The following CCDC85C variants were observed in gnomAD, a reference collection of about 807,000 sequenced individuals.
The protein encoded by CCDC85C is coiled-coil domain-containing protein 85C.
In CCDC85C, 18 loss-of-function variants were observed where a neutral mutation model predicts 38.3. The ratio of observed to expected loss-of-function variants is 0.47; its 90% CI spans 0.33 to 0.70. The LOEUF (loss-of-function observed/expected upper bound fraction) is 0.70, where lower values mean the gene tolerates loss of function less well. Ranked by LOEUF, CCDC85C falls within the 30% of genes least tolerant of loss-of-function variation. CCDC85C has a pLI of 0.03. For missense variants in CCDC85C, 566 were observed against 621.2 expected (o/e 0.91, Z 0.94); for synonymous variants, 264 against 293.8 (o/e 0.90, Z 1.04).
At chr14:99,570,147 G>A (rs904508312) in intron 1 of CCDC85C, among the ~76,000 whole-genome samples, 1 of 151,952 alleles carries the variant, frequency 6.6e-6, no homozygotes, top group African/African-American at 2.4e-5. Flanking sequence ...CATCTGTTCT[G>A]AGTGCCTCAC....
At chr14:99,518,528 G>C (rs1329161148) in intron 3 of CCDC85C, among the ~76,000 whole-genome samples, 2 of 151,350 alleles carry the variant, frequency 1.3e-5, no homozygotes, top group African/African-American at 4.9e-5. Context: ...GTAGTGTAGG[G>C]AACCCAACAG....
intron 1 of CCDC85C, among the ~76,000 whole-genome samples, chr14:99,556,011 G>A (rs10150747): frequency 0.54 from 81,872 of 152,084 alleles, 22,316 homozygotes; most frequent in African/African-American, 0.61. Context: ...CCAAAGAACC[G>A]GTCTGTACTG....
chr14:99,521,945 CCAGCAGTGT>C (rs1897308555), intron 3 of CCDC85C, among the ~76,000 whole-genome samples, 179 bp downstream of exon 3: 1 of 152,224 alleles, frequency 6.6e-6, no homozygotes, highest in Admixed American at 6.5e-5. Context: ...CCCCGCACCT[CCAGCAGTGT>C]CAACCCACCT....
intron 1 of CCDC85C, among the ~76,000 whole-genome samples, chr14:99,539,404 G>A (rs566191495): frequency 1.1e-3 from 161 of 149,870 alleles, no homozygotes; most frequent in African/African-American, 3.7e-3. Flanking sequence ...TGGGAGGCGG[G>A]GGTTGCAGTG....
At chr14:99,557,531 A>G (rs945031082) in intron 1 of CCDC85C, among the ~76,000 whole-genome samples, 3 of 152,238 alleles carry the variant, frequency 2.0e-5, no homozygotes, top group Non-Finnish European at 4.4e-5. Flanking sequence ...CCCAAGGCAA[A>G]GGCTGCATCT....
rs1281981649 is a variant in CCDC85C at position 99,501,342 on chromosome 14, G to T, written c.*13904C>A. 1 of 1,569,896 alleles carries T rather than the reference G, an allele frequency of 6.4e-7. No homozygotes were observed. Among genetic ancestry groups the T allele is most frequent in the Middle Eastern group, 2.3e-4 (1 of 4,402 alleles). On this transcript the variant is annotated 3_prime_UTR_variant, in exon 6 of 6. Transcript: ENST00000380243. ...TCTATTGCTATTAATTTACCTTTTT[G>T]TCCCCATTTCTAGGTGATAAAAACA...
chr14:99,534,356 CAAA>C (rs80313731), intron 2 of CCDC85C, among the ~76,000 whole-genome samples: 4 of 136,790 alleles, frequency 2.9e-5, no homozygotes, highest in African/African-American at 8.0e-5. Flanking sequence ...AATTCCATCT[CAAA>C]AAAAAAAAAA....
rs992317284 is a variant in CCDC85C at position 99,501,104 on chromosome 14, C to T, written c.*14142G>A. On this transcript the variant is annotated 3_prime_UTR_variant, in exon 6 of 6. Coordinates refer to ENST00000380243, the MANE Select transcript of CCDC85C (RefSeq NM_001144995.2). ...TGATGGGAGAGGCAGGAAAATGAGG[C>T]AGAATTTTTTAAATGGACTAATAAA... 6.7e-6 allele frequency: 4 copies of T among 598,784 alleles called. No homozygotes were observed. The African/African-American group carries it at 7.5e-5, about 11-fold the overall frequency. 37.1% of individuals were successfully genotyped at this position (598,784 alleles called of 1,614,324 possible).
At chr14:99,554,253 G>T (rs1256968584) in intron 1 of CCDC85C, among the ~76,000 whole-genome samples, 1 of 152,076 alleles carries the variant, frequency 6.6e-6, no homozygotes, top group Non-Finnish European at 1.5e-5. Flanking sequence ...ACCAAGCCCG[G>T]GACTGTGGCC....
chr14:99,531,258 G>C (rs1025403414), intron 2 of CCDC85C, among the ~76,000 whole-genome samples: 2 of 152,182 alleles, frequency 1.3e-5, no homozygotes, highest in Non-Finnish European at 1.5e-5. Context: ...AATATCAGGA[G>C]AGCTCCCTGC....
intron 1 of CCDC85C, among the ~76,000 whole-genome samples, chr14:99,574,198 T>G (rs1898420515): frequency 6.6e-6 from 1 of 152,176 alleles, no homozygotes; most frequent in Non-Finnish European, 1.5e-5. Flanking sequence ...CTGTGCTCTC[T>G]GACCCGCCAC....
At chr14:99,543,869 C>T (rs1353165768) in intron 1 of CCDC85C, among the ~76,000 whole-genome samples, 6 of 146,770 alleles carry the variant, frequency 4.1e-5, no homozygotes, top group East Asian at 1.9e-4. Flanking sequence ...CAGCTTTTGG[C>T]GGTGGCTGCA....
chr14:99,542,235 T>C (rs950733246), intron 1 of CCDC85C, among the ~76,000 whole-genome samples: 2 of 152,156 alleles, frequency 1.3e-5, no homozygotes, highest in African/African-American at 4.8e-5. Flanking sequence ...AGGGCCTCAT[T>C]AAACGAACAC....
chr14:99,565,545 A>G (rs1011447113), intron 1 of CCDC85C, among the ~76,000 whole-genome samples: 5 of 152,210 alleles, frequency 3.3e-5, no homozygotes, highest in African/African-American at 1.2e-4. Flanking sequence ...GGTTGGTCAC[A>G]TGCTCCAGGT....
In CCDC85C at chr14:99,501,553, G is replaced by A. The variant is rs539807872; in HGVS notation, c.*13693C>T. On this transcript the variant is annotated 3_prime_UTR_variant, in exon 6 of 6. Coordinates refer to ENST00000380243, the MANE Select transcript of CCDC85C (RefSeq NM_001144995.2). ...TGAGGAGCCAGTTAATGGCAAAGCT[G>A]GGGCTGACGTCCAGGTCATCTGCTT... 47 of 622,456 alleles carry A rather than the reference G, an allele frequency of 7.6e-5. No homozygotes were observed. The highest frequency in any genetic ancestry group is 6.5e-4 in the African/African-American group (35 of 54,192). The allele number at this position is 622,456 out of a possible 1,614,324, so 38.6% of individuals were successfully genotyped here. A position where few individuals can be genotyped will look rare whatever the true frequency, so the allele number is the denominator to read the frequency against.
chr14:99,595,873 G>A (rs1566785927), intron 1 of CCDC85C, among the ~76,000 whole-genome samples: 1 of 152,338 alleles, frequency 6.6e-6, no homozygotes, highest in East Asian at 1.9e-4. Flanking sequence ...AGGCGAGTGA[G>A]AGAAAACCCA....
At chr14:99,580,177 G>A in intron 1 of CCDC85C, 1 of 453,152 alleles carries the variant, frequency 2.2e-6, no homozygotes, top group Non-Finnish European at 4.4e-6. Flanking sequence ...AGAGGAAGGA[G>A]AGGCTGGGTG....
At chr14:99,577,355 C>T (rs943681484) in intron 1 of CCDC85C, among the ~76,000 whole-genome samples, 1 of 148,938 alleles carries the variant, frequency 6.7e-6, no homozygotes, top group Admixed American at 6.7e-5. Context: ...ACGGCGTGTC[C>T]AGCAAGTGGG....
chr14:99,572,909 G>C lies in CCDC85C; in HGVS notation c.793+30258C>G, dbSNP rs1257498276. On this transcript the variant is annotated intron_variant, in intron 1 of 5. Coordinates refer to ENST00000380243, the MANE Select transcript of CCDC85C (RefSeq NM_001144995.2). The surrounding 1 kb of genome is among the most constrained non-coding windows in gnomAD (Gnocchi z 4.4). ...AGTCCCAGGCAGGGTGGGAGGCACGGACCTGAGGCAGCGCCTTCTCTTAGC... is the reference window on the plus strand; with the variant it reads ...AGTCCCAGGCAGGGTGGGAGGCACGCACCTGAGGCAGCGCCTTCTCTTAGC... 2 of 440,294 alleles carry C rather than the reference G, an allele frequency of 4.5e-6. No individual in the cohort carries two copies. The highest frequency in any genetic ancestry group is 4.0e-5 in the African/African-American group (2 of 49,684). 27.3% of individuals were successfully genotyped at this position (440,294 alleles called of 1,614,324 possible).
Sources: gnomAD v4.1 joint callset for allele counts (sites outside exome capture counted in the v4.1 genomes callset) on GRCh38, gnomAD v4.1.1 for gene constraint, Gnocchi (gnomAD v3.1) non-coding constraint, MANE v1.5 for transcripts, NCBI Gene and HGNC (gene_info 2026-07-23, HGNC 2026-07-21) for gene names.